NKAIN2: variants seen among roughly 807,000 people sequenced by gnomAD.
NKAIN2 encodes the protein sodium/potassium transporting ATPase interacting 2.
NKAIN2 carries 14 observed loss-of-function variants against 32.6 expected under a neutral mutation model. The observed-to-expected ratio is 0.43, with a 90% confidence interval of 0.28 to 0.67. The LOEUF (loss-of-function observed/expected upper bound fraction) is 0.67. Among genes scored for constraint, NKAIN2 ranks in the 30% least tolerant of loss-of-function variants. NKAIN2 has a pLI of 0.17. For synonymous variants in NKAIN2, 80 were observed against 87.2 expected, an observed-to-expected ratio of 0.92 and a Z score of 0.46; for missense variants, 198 against 258.3, an observed-to-expected ratio of 0.77 and a Z score of 1.60.
At position 124,572,240 on chromosome 6, in the gene NKAIN2, C is replaced by T. The variant is rs150694104; in HGVS notation, c.274-85946C>T. ...TCACATTGGGGAGGGCCACCTGCTA[C>T]AGTCAGTCCACCAATTAAAATGCTA... On this transcript the variant is annotated intron_variant, in intron 3 of 6. Coordinates refer to ENST00000368417, the MANE Select transcript of NKAIN2 (RefSeq NM_001040214.3). Among the ~76,000 whole-genome samples, 346 of 152,316 alleles carry T rather than the reference C, an allele frequency of 2.3e-3. 2 individuals are homozygous for T. The highest frequency in any genetic ancestry group is 8.1e-3 in the African/African-American group (337 of 41,566).
At chr6:124,541,833 C>A (rs1369018401) in intron 3 of NKAIN2, among the ~76,000 whole-genome samples, 1 of 152,116 alleles carries the variant, frequency 6.6e-6, no homozygotes, top group Non-Finnish European at 1.5e-5. Flanking sequence ...TGGATAGGAC[C>A]AGTATGTGAT....
intron 1 of NKAIN2, among the ~76,000 whole-genome samples, chr6:124,101,416 G>T (rs796333022): frequency 2.4e-4 from 37 of 152,246 alleles, no homozygotes; most frequent in African/African-American, 8.2e-4. Flanking sequence ...AGGAATAATG[G>T]CTCCAAGAGT....
chr6:124,815,522 A>G (rs115496700), intron 5 of NKAIN2, among the ~76,000 whole-genome samples: 7,112 of 152,060 alleles, frequency 0.047, 547 homozygotes, highest in African/African-American at 0.16. Context: ...CATCTGCCTC[A>G]GCCTCCCACA....
At chr6:124,033,203 T>C (rs962600527) in intron 1 of NKAIN2, among the ~76,000 whole-genome samples, 1 of 152,152 alleles carries the variant, frequency 6.6e-6, no homozygotes. Flanking sequence ...TAACATATTG[T>C]CTGGTTCTCA....
intron 3 of NKAIN2, among the ~76,000 whole-genome samples, chr6:124,608,255 G>A (rs1782567629): frequency 6.6e-6 from 1 of 152,040 alleles, no homozygotes; most frequent in Non-Finnish European, 1.5e-5. Context: ...TGCTCTTTTA[G>A]GGTAAAGAAT....
intron 5 of NKAIN2, among the ~76,000 whole-genome samples, chr6:124,797,339 A>G (rs1178514506): frequency 6.6e-6 from 1 of 152,188 alleles, no homozygotes; most frequent in Non-Finnish European, 1.5e-5. Context: ...TTGCTAAAAG[A>G]GATTCAATGT....
chr6:124,402,456 C>T (rs188255219), intron 3 of NKAIN2, among the ~76,000 whole-genome samples: 11 of 152,304 alleles, frequency 7.2e-5, no homozygotes, highest in East Asian at 1.9e-4. Context: ...GCTTTCCATA[C>T]GATTTAACTG....
chr6:124,587,318 C>G (rs1781747042), intron 3 of NKAIN2, among the ~76,000 whole-genome samples: 1 of 152,028 alleles, frequency 6.6e-6, no homozygotes, highest in African/African-American at 2.4e-5. Flanking sequence ...CAACCTCCGC[C>G]TCCTGGGTTC....
chr6:124,143,394 AG>A (rs1787238212), intron 1 of NKAIN2, among the ~76,000 whole-genome samples: 1 of 152,186 alleles, frequency 6.6e-6, no homozygotes, highest in African/African-American at 2.4e-5. Flanking sequence ...CCAGAGTTTG[AG>A]GCTGCAGTGA....
chr6:123,978,020 T>A (rs935430158), intron 1 of NKAIN2, among the ~76,000 whole-genome samples: 1 of 152,164 alleles, frequency 6.6e-6, no homozygotes, highest in African/African-American at 2.4e-5. Context: ...GAATTTTGAA[T>A]AGTAAAATTC....
chr6:123,885,707 T>C (rs1220760955), intron 1 of NKAIN2, among the ~76,000 whole-genome samples: 1 of 152,078 alleles, frequency 6.6e-6, no homozygotes, highest in Admixed American at 6.6e-5. Flanking sequence ...ATTAGTGAGC[T>C]ATATAAAATT....
intron 3 of NKAIN2, among the ~76,000 whole-genome samples, chr6:124,503,157 A>G (rs1487058171): frequency 6.6e-6 from 1 of 152,090 alleles, no homozygotes; most frequent in Non-Finnish European, 1.5e-5. Context: ...GATAGTTGGT[A>G]TTGTTACTAA....
In NKAIN2 at chr6:124,690,419, G is replaced by A. The variant is rs762446698; in HGVS notation, c.474+32033G>A. 3.8e-4 allele frequency among the ~76,000 whole-genome samples: 57 copies of A among 151,980 alleles called. 2 individuals are homozygous for A. The highest frequency in any genetic ancestry group is 1.0e-4 in the Non-Finnish European group (7 of 67,986). Reference sequence around the variant, plus strand: ...AGTTTTATTTCTTCCTTCTCAATCAGCATACCTTCAGTTTCCTTTTCTTGT... The same window carrying A: ...AGTTTTATTTCTTCCTTCTCAATCAACATACCTTCAGTTTCCTTTTCTTGT... On this transcript the variant is annotated intron_variant, in intron 4 of 6. Coordinates refer to ENST00000368417, the MANE Select transcript of NKAIN2 (RefSeq NM_001040214.3).
chr6:124,604,172 G>A (rs1782411444), intron 3 of NKAIN2, among the ~76,000 whole-genome samples: 1 of 151,942 alleles, frequency 6.6e-6, no homozygotes, highest in African/African-American at 2.4e-5. Context: ...TACCCACTGA[G>A]TTAGAAACTC....
At chr6:124,674,301 T>C (rs1773253763) in intron 4 of NKAIN2, among the ~76,000 whole-genome samples, 2 of 151,988 alleles carry the variant, frequency 1.3e-5, no homozygotes, top group African/African-American at 4.8e-5. Flanking sequence ...CGTGTGAGGC[T>C]TCTGCTTTGT....
At position 124,278,555 on chromosome 6, in the gene NKAIN2, A is replaced by G. The variant is rs143069464; in HGVS notation, c.55-4450A>G. Among the ~76,000 whole-genome samples the G allele has an allele frequency of 6.1e-3, 913 of 150,056 alleles. 4 individuals carry two copies. The highest frequency in any genetic ancestry group is 9.6e-3 in the Non-Finnish European group (649 of 67,550). Reference sequence around the variant, plus strand: ...TTTACTATGGTGCAACGAAAAGGGTAATCTTCATGTTTTCCAGCTCATATA... The same window carrying G: ...TTTACTATGGTGCAACGAAAAGGGTGATCTTCATGTTTTCCAGCTCATATA... On this transcript the variant is annotated intron_variant, in intron 1 of 6. Coordinates refer to ENST00000368417, the MANE Select transcript of NKAIN2 (RefSeq NM_001040214.3).
chr6:124,189,548 AAGTT>A (rs1337919481), intron 1 of NKAIN2, among the ~76,000 whole-genome samples: 1 of 152,018 alleles, frequency 6.6e-6, no homozygotes, highest in South Asian at 2.1e-4. Flanking sequence ...AAATACAAAA[AAGTT>A]AGCCTGGTGT....
At position 124,276,406 on chromosome 6, in the gene NKAIN2, T is replaced by C. The variant is rs918708004; in HGVS notation, c.55-6599T>C. On this transcript the variant is annotated intron_variant, in intron 1 of 6. Coordinates refer to ENST00000368417, the MANE Select transcript of NKAIN2 (RefSeq NM_001040214.3). The stretch of plus-strand genomic sequence containing the variant: ...AGTTATTCAAATGTAACTAAAACTC[T>C]TTAAGTAAAGCTCTGTGGTTTGTCC... 3.3e-5 allele frequency among the ~76,000 whole-genome samples: 5 copies of C among 152,208 alleles called. No individual in the cohort carries two copies. In the East Asian group the frequency reaches 9.6e-4, roughly 29 times the overall value.
At chr6:124,647,464 A>AC (rs1000985108) in intron 3 of NKAIN2, among the ~76,000 whole-genome samples, 1 of 135,120 alleles carries the variant, frequency 7.4e-6, no homozygotes, top group Non-Finnish European at 1.5e-5. Context: ...GTGCCACTGC[A>AC]CTCCAGCCTG....
Sources: allele counts gnomAD v4.1 joint callset (sites outside exome capture counted in the v4.1 genomes callset), GRCh38; gene constraint gnomAD v4.1.1; transcripts MANE v1.5; gene names NCBI Gene and HGNC (gene_info 2026-07-23, HGNC 2026-07-21).